The following IQGAP1 variants were observed in gnomAD, a reference collection of about 807,000 sequenced individuals.
IQGAP1 encodes the protein ras GTPase-activating-like protein IQGAP1.
A neutral mutation model predicts 215.6 loss-of-function variants in IQGAP1; 66 were observed. That is an observed-to-expected ratio of 0.31 (90% confidence interval 0.25 to 0.38). The LOEUF (loss-of-function observed/expected upper bound fraction) is 0.38, where lower values mean the gene tolerates loss of function less well. Among genes scored for constraint, IQGAP1 ranks in the 10% least tolerant of loss-of-function variants. The pLI, the probability that IQGAP1 is intolerant of heterozygous loss-of-function variation, is 1.00. For synonymous variants in IQGAP1, 772 were observed against 728.7 expected (o/e 1.06, Z -0.96); for missense variants, 1,712 against 1,997.1 (o/e 0.86, Z 2.72).
intron 2 of IQGAP1, among the ~76,000 whole-genome samples, chr15:90,421,309 C>G (rs1341366391): frequency 6.6e-6 from 1 of 152,080 alleles, no homozygotes; most frequent in Non-Finnish European, 1.5e-5. Flanking sequence ...AACCCCATCT[C>G]TACTAAAAAT....
intron 2 of IQGAP1, among the ~76,000 whole-genome samples, chr15:90,403,877 G>A (rs1449396093): frequency 6.6e-6 from 1 of 152,188 alleles, no homozygotes; most frequent in African/African-American, 2.4e-5. Flanking sequence ...GTTTCACCAT[G>A]TTGGCCAGGC....
chr15:90,463,771 C>T (rs773977063), intron 15 of IQGAP1, among the ~76,000 whole-genome samples: 1 of 152,122 alleles, frequency 6.6e-6, no homozygotes, highest in African/African-American at 2.4e-5. Context: ...AGGCCAGCAC[C>T]TACCATAATT....
chr15:90,484,159 C>T (rs1966094810), intron 29 of IQGAP1, 61 bp from the exon 30 acceptor site: 2 of 1,524,130 alleles, frequency 1.3e-6, no homozygotes, highest in Non-Finnish European at 1.8e-6. Context: ...TGTGAAATGT[C>T]CTCTTGCCAA....
intron 2 of IQGAP1, among the ~76,000 whole-genome samples, chr15:90,398,126 T>C (rs1320857345): frequency 6.6e-6 from 1 of 152,016 alleles, no homozygotes; most frequent in Non-Finnish European, 1.5e-5. Flanking sequence ...CCTCAGGTGA[T>C]CCACCCGCCT....
chr15:90,396,860 TTTTTTTTTTGGAGACGGAGTC>T (rs1964727967), intron 2 of IQGAP1, among the ~76,000 whole-genome samples: 1 of 152,134 alleles, frequency 6.6e-6, no homozygotes, highest in Non-Finnish European at 1.5e-5. Context: ...AAAAAATTTT[TTTTTTTTTTGGAGACGGAGTC>T]TCGCTCTGTT....
chr15:90,488,230 T>TAAAAAATA (rs148489814), intron 33 of IQGAP1, among the ~76,000 whole-genome samples: 1 of 147,620 alleles, frequency 6.8e-6, no homozygotes, highest in Non-Finnish European at 1.5e-5. Flanking sequence ...CAAAAAATAA[T>TAAAAAATA]AATAAATAAA....
At chr15:90,396,800 TG>T (rs1435034259) in intron 2 of IQGAP1, among the ~76,000 whole-genome samples, 1 of 152,148 alleles carries the variant, frequency 6.6e-6, no homozygotes, top group East Asian at 1.9e-4. Flanking sequence ...TCATTCCTAA[TG>T]TGGCTGCCGA....
intron 18 of IQGAP1, among the ~76,000 whole-genome samples, chr15:90,468,264 C>A (rs1948357802): frequency 6.6e-6 from 1 of 152,090 alleles, no homozygotes; most frequent in South Asian, 2.1e-4. Flanking sequence ...GAGGTTTTGC[C>A]CTGTTGGCCA....
intron 18 of IQGAP1, among the ~76,000 whole-genome samples, chr15:90,469,801 T>C (rs1965881083): frequency 1.3e-5 from 2 of 151,930 alleles, no homozygotes; most frequent in Admixed American, 6.6e-5. Context: ...TTGCTGAAAT[T>C]ATAAAAAGGA....
At chr15:90,410,400 G>T (rs375693952) in intron 2 of IQGAP1, among the ~76,000 whole-genome samples, 2 of 152,214 alleles carry the variant, frequency 1.3e-5, no homozygotes, top group East Asian at 3.9e-4. Flanking sequence ...TGTTTACTGC[G>T]GCACTATTCA....
chr15:90,456,081 T>A (rs1965675339), intron 14 of IQGAP1, 71 bp from the exon 15 acceptor site: 2 of 1,304,202 alleles, frequency 1.5e-6, no homozygotes, highest in East Asian at 4.7e-5. Context: ...TTAGTTAGCA[T>A]GTTCCATGAT....
intron 37 of IQGAP1, among the ~76,000 whole-genome samples, chr15:90,498,500 TCTGC>T (rs1966301521): frequency 6.6e-6 from 1 of 152,186 alleles, no homozygotes; most frequent in African/African-American, 2.4e-5. Context: ...GGCCAACCAG[TCTGC>T]CTGTGGTAAT....
intron 2 of IQGAP1, among the ~76,000 whole-genome samples, chr15:90,418,427 T>A (rs953754396): frequency 2.0e-5 from 3 of 151,492 alleles, no homozygotes; most frequent in African/African-American, 7.3e-5. Flanking sequence ...TCTCTACAAA[T>A]AATTTTAAAA....
chr15:90,479,576 TAAAAAAAAAA>T (rs34325733), intron 26 of IQGAP1, among the ~76,000 whole-genome samples: 1 of 132,644 alleles, frequency 7.5e-6, no homozygotes, highest in African/African-American at 2.8e-5. Context: ...TGTCCCTACT[TAAAAAAAAAA>T]AAAAAAAAAA....
intron 2 of IQGAP1, among the ~76,000 whole-genome samples, chr15:90,419,852 C>A (rs2151011161): frequency 6.6e-6 from 1 of 152,252 alleles, no homozygotes; most frequent in East Asian, 1.9e-4. Flanking sequence ...CTGGTCAGAC[C>A]ATACCTGGAA....
At position 90,452,712 on chromosome 15, in the gene IQGAP1, G is replaced by A. The variant is rs142575723; in HGVS notation, c.1163-63G>A. The A allele has an allele frequency of 5.2e-6, 8 of 1,523,958 alleles. No individual in the cohort carries two copies. The African/African-American group carries it at 8.3e-5, about 16-fold the overall frequency. 94.4% of individuals were successfully genotyped at this position (1,523,958 alleles called of 1,614,324 possible). A position where few individuals can be genotyped will look rare whatever the true frequency, so the allele number is the denominator to read the frequency against. ...TGTGATATTTTTCCCATGAAGATTG[G>A]CACCTTCTTCCCCTGAGGGCTCTCT... On this transcript the variant is annotated intron_variant, in intron 11 of 37. Transcript: ENST00000268182.
At chr15:90,460,486 C>T (rs183851980) in intron 15 of IQGAP1, among the ~76,000 whole-genome samples, 2 of 152,250 alleles carry the variant, frequency 1.3e-5, no homozygotes, top group African/African-American at 4.8e-5. Flanking sequence ...TGGATGAGCT[C>T]TTGGTCAGGT....
chr15:90,498,436 G>A (rs1169400643), intron 37 of IQGAP1, among the ~76,000 whole-genome samples: 3 of 150,442 alleles, frequency 2.0e-5, no homozygotes, highest in Admixed American at 6.6e-5. Context: ...TTTTATTTAC[G>A]TGGAGTTATC....
chr15:90,466,428 T>A lies in IQGAP1; in HGVS notation c.2027T>A (p.Leu676Gln). 6.2e-7 allele frequency: 1 copy of A among 1,614,026 alleles called. No homozygotes were observed. The highest frequency in any genetic ancestry group is 8.5e-7 in the Non-Finnish European group (1 of 1,179,978). ...CTTGCTGAAGCCAAGAAGAAAAAAC[T>A]GGCAGTAGGTGAGTTCTGGGATAAT... ...SDLAEAKKKK[L>Q]AVGDNNSKWV... The change falls in exon 17 of 38, where the codon CTG becomes CAG. Residue 676 changes from leucine (L) to glutamine (Q), a missense_variant. Around this residue, in one of 2 missense-constraint regions of IQGAP1, gnomAD observed 1,021 missense variants for 1,074.2 expected, o/e 0.95. Coordinates refer to ENST00000268182, the MANE Select transcript of IQGAP1 (RefSeq NM_003870.4).
Sources: gnomAD v4.1 joint callset for allele counts (sites outside exome capture counted in the v4.1 genomes callset) on GRCh38, gnomAD v4.1.1 for gene constraint, gnomAD v4.1.1 regional missense constraint, MANE v1.5 for transcripts, NCBI Gene and HGNC (gene_info 2026-07-23, HGNC 2026-07-21) for gene names.